GCN1: variants seen among roughly 807,000 people sequenced by gnomAD.
The protein encoded by GCN1 is stalled ribosome sensor GCN1.
A neutral mutation model predicts 288.4 loss-of-function variants in GCN1; 90 were observed. That is an observed-to-expected ratio of 0.31 (90% CI 0.26 to 0.37). The LOEUF (loss-of-function observed/expected upper bound fraction) is 0.37, where lower values mean the gene tolerates loss of function less well. GCN1 is among the 10% of genes least tolerant of loss of function. The probability of loss-of-function intolerance (pLI) is 1.00; values close to 1 mark genes in which losing one functional copy is unlikely to be tolerated. For missense variants in GCN1, 2,586 were observed against 3,419.9 expected (o/e 0.76, Z 6.08); for synonymous variants, 1,386 against 1,420.2 (o/e 0.98, Z 0.54).
chr12:120,141,464 TG>T (rs1003526705), intron 44 of GCN1, among the ~76,000 whole-genome samples: 1 of 152,180 alleles, frequency 6.6e-6, no homozygotes, highest in African/African-American at 2.4e-5. Flanking sequence ...TTGCCAAGGA[TG>T]GGGGGTTGGA....
chr12:120,176,313 G>A, intron 9 of GCN1, 96 bp from the exon 10 acceptor site: 1 of 776,060 alleles, frequency 1.3e-6, no homozygotes, highest in Non-Finnish European at 2.3e-6. Context: ...CACTAGGCCT[G>A]CTGTCTGGCC....
At position 120,138,722 on chromosome 12, in the gene GCN1, G is replaced by A. The variant is rs1877091379; in HGVS notation, c.6129C>T (p.Asp2043=). The A allele has an allele frequency of 1.2e-6, 2 of 1,614,110 alleles. No homozygotes were observed. Among genetic ancestry groups the A allele is most frequent in the Admixed American group, 3.3e-5 (2 of 60,026 alleles). Residue 2043 remains aspartate, a synonymous_variant, in exon 46 of 58, where the codon GAC becomes GAT. Coordinates refer to ENST00000300648, the MANE Select transcript of GCN1 (RefSeq NM_006836.2). Reference sequence around the variant, plus strand: ...GCTGCTTTAGTAAAAATGGGAGAATGTCCTCCAGAGCCTGGTGGCCGATGG... The same window carrying A: ...GCTGCTTTAGTAAAAATGGGAGAATATCCTCCAGAGCCTGGTGGCCGATGG... ...HSTIGHQALE[D]ILPFLLKQLD...
rs1878038019 is a variant in GCN1, at chr12:120,164,507, G to A, written c.1689-12C>T. 1.2e-6 allele frequency: 2 copies of A among 1,612,610 alleles called. No individual in the cohort carries two copies. The highest frequency in any genetic ancestry group is 2.7e-5 in the African/African-American group (2 of 74,914). ...CCCGGTGGTACTGCCTGCAAGCACA[G>A]GGACAGACAGGTCTGGGGGAAGGCC... On this transcript the variant is annotated splice_polypyrimidine_tract_variant and intron_variant, in intron 17 of 57. Transcript: ENST00000300648.
chr12:120,155,810 A>G lies in GCN1; in HGVS notation c.3313-91T>C. The G allele has an allele frequency of 1.5e-6, 2 of 1,290,988 alleles. No homozygotes were observed. The highest frequency in any genetic ancestry group is 1.9e-5 in the Admixed American group (1 of 51,690). The allele number at this position is 1,290,988 out of a possible 1,614,324, so 80.0% of individuals were successfully genotyped here. A position where few individuals can be genotyped will look rare whatever the true frequency, so the allele number is the denominator to read the frequency against. On this transcript the variant is annotated intron_variant, in intron 28 of 57. Transcript: ENST00000300648. This position sits in a 1 kb window ranked among gnomAD's most constrained non-coding sequence, Gnocchi z 4.9. ...CACCTCTCTCTAGGTTGTACTGTCC[A>G]AGATGTAGCCACTAACCGCATGTGG...
At chr12:120,179,044 C>G in intron 5 of GCN1, 94 bp from the exon 6 acceptor site, 1 of 1,000,316 alleles carries the variant, frequency 1.0e-6, no homozygotes, top group Non-Finnish European at 1.5e-6. Flanking sequence ...TCAGACCCTC[C>G]AAATCCTGGC....
chr12:120,150,950 A>C (rs1250060466), intron 34 of GCN1, among the ~76,000 whole-genome samples, 195 bp downstream of exon 34: 1 of 151,556 alleles, frequency 6.6e-6, no homozygotes, highest in African/African-American at 2.4e-5. Context: ...AAAAAAAAAC[A>C]GAAAAGAAAA....
At position 120,144,249 on chromosome 12, in the gene GCN1, T is replaced by C; in HGVS notation, c.5495+57A>G. 1 of 1,596,008 alleles carries C rather than the reference T, an allele frequency of 6.3e-7. No homozygotes were observed. Among genetic ancestry groups the C allele is most frequent in the South Asian group, 1.1e-5 (1 of 90,584 alleles). On this transcript the variant is annotated intron_variant, in intron 42 of 57. Coordinates refer to ENST00000300648, the MANE Select transcript of GCN1 (RefSeq NM_006836.2). This position sits in a 1 kb window ranked among gnomAD's most constrained non-coding sequence, Gnocchi z 4.7. ...CCTCGGCTTTCCAGAGTGCTCGGATTATAGGCATGAGCCACCACGCATCAT... is the reference window on the plus strand; with the variant it reads ...CCTCGGCTTTCCAGAGTGCTCGGATCATAGGCATGAGCCACCACGCATCAT...
rs1405122482 is a variant in GCN1 at position 120,144,242 on chromosome 12, C to T, written c.5495+64G>A. On this transcript the variant is annotated intron_variant, in intron 42 of 57. Transcript: ENST00000300648. The surrounding 1 kb of genome is among the most constrained non-coding windows in gnomAD (Gnocchi z 4.7). ...CCTCCTGCCTCGGCTTTCCAGAGTG[C>T]TCGGATTATAGGCATGAGCCACCAC... 8 of 1,581,614 alleles carry T rather than the reference C, an allele frequency of 5.1e-6. No homozygotes were observed. The East Asian group carries it at 1.1e-4, about 22-fold the overall frequency.
chr12:120,137,481 T>C lies in GCN1; in HGVS notation c.6663+64A>G. ...TACGTGGGGGATTCTTATAAGTCTA[T>C]TCCTGTAAATGTCTGGAATTTTCTA... On this transcript the variant is annotated intron_variant, in intron 49 of 57. Transcript: ENST00000300648. The surrounding 1 kb of genome is among the most constrained non-coding windows in gnomAD (Gnocchi z 5.2). 2 of 1,559,488 alleles carry C rather than the reference T, an allele frequency of 1.3e-6. No individual in the cohort carries two copies. The highest frequency in any genetic ancestry group is 1.8e-6 in the Non-Finnish European group (2 of 1,134,914).
intron 57 of GCN1, 42 bp downstream of exon 57, chr12:120,129,234 A>G (rs970967549): frequency 5.8e-6 from 8 of 1,374,922 alleles, no homozygotes; most frequent in Non-Finnish European, 8.3e-6. Context: ...CTGAAAGACA[A>G]ATGCTCACAG....
chr12:120,147,747 T>C (rs1262017634), intron 37 of GCN1, among the ~76,000 whole-genome samples: 1 of 152,238 alleles, frequency 6.6e-6, no homozygotes, highest in African/African-American at 2.4e-5. Context: ...AGTGACATGC[T>C]GGTCAAGGTG....
At chr12:120,173,012 A>T (rs560261517) in intron 14 of GCN1, among the ~76,000 whole-genome samples, 1 of 151,800 alleles carries the variant, frequency 6.6e-6, no homozygotes, top group Non-Finnish European at 1.5e-5. Flanking sequence ...CATTTTTAAT[A>T]AGTCCAGAGT....
At position 120,156,102 on chromosome 12, in the gene GCN1, C is replaced by T. The variant is rs1234065343; in HGVS notation, c.3312+359G>A. On this transcript the variant is annotated intron_variant, in intron 28 of 57. Coordinates refer to ENST00000300648, the MANE Select transcript of GCN1 (RefSeq NM_006836.2). The surrounding 1 kb of genome is among the most constrained non-coding windows in gnomAD (Gnocchi z 5.8). ...TCAGCAGGTAGGAACCACTGTCTTA[C>T]CACTACAAGGGGATGCTTCAGTTTT... 2.0e-4 allele frequency among the ~76,000 whole-genome samples: 31 copies of T among 152,146 alleles called. 2 individuals are homozygous for T. The highest frequency in any genetic ancestry group is 2.0e-3 in the Admixed American group (31 of 15,264).
Position 120,142,941 on chromosome 12 carries a change from C to A in GCN1, c.5496G>T (p.Arg1832Ser), listed in dbSNP as rs1877245206. 1 of 1,594,108 alleles carries A rather than the reference C, an allele frequency of 6.3e-7. No homozygotes were observed. Among genetic ancestry groups the A allele is most frequent in the East Asian group, 2.2e-5 (1 of 44,788 alleles). Residue 1832 changes from arginine (R) to serine (S), a missense_variant and splice_region_variant, in exon 43 of 58, where the codon AGG becomes AGT. By Grantham distance (110) the Arg-to-Ser change is moderately radical (BLOSUM62 -1). Around this residue, in one of 8 missense-constraint regions of GCN1, gnomAD observed 371 missense variants for 572.6 expected, o/e 0.65. Transcript: ENST00000300648. This position sits in a 1 kb window ranked among gnomAD's most constrained non-coding sequence, Gnocchi z 4.9. The stretch of plus-strand genomic sequence containing the variant: ...CCCCAAGGAGCTGAACAGAGCTGAA[C>A]CTGAGAAGGAGGCCAACAACACAGT... The part of the protein sequence containing the change: ...QGLFDDLWRI[R>S]FSSVQLLGDL...
At chr12:120,131,362 C>A (rs201930415) in intron 54 of GCN1, 29 bp from the exon 55 acceptor site, 166 of 1,610,840 alleles carry the variant, frequency 1.0e-4, no homozygotes, top group Non-Finnish European at 1.4e-4. Context: ...CTGGGATCAA[C>A]CGGTATTTTA....
rs763739971 is a variant in GCN1 at position 120,155,517 on chromosome 12, G to A, written c.3440+75C>T. The A allele has an allele frequency of 8.1e-6, 13 of 1,604,042 alleles. No individual in the cohort carries two copies. The highest frequency in any genetic ancestry group is 2.2e-5 in the South Asian group (2 of 90,804). ...CCAGCCCTTCTTCCCACTGGAGGCT[G>A]AGCACACTGGGTTCAGTTATTTCCT... On this transcript the variant is annotated intron_variant, in intron 29 of 57. Transcript: ENST00000300648. The surrounding 1 kb of genome is among the most constrained non-coding windows in gnomAD (Gnocchi z 4.9).
rs894219386 is a variant in GCN1 at position 120,134,084 on chromosome 12, G to A, written c.7317+207C>T. ...TCAGCCAAAAAACAAACAAACAAAC[G>A]GAAATAACCAATATATCCACAATAC... On this transcript the variant is annotated intron_variant, in intron 53 of 57. Coordinates refer to ENST00000300648, the MANE Select transcript of GCN1 (RefSeq NM_006836.2). The surrounding 1 kb of genome is among the most constrained non-coding windows in gnomAD (Gnocchi z 5.0). 1.3e-5 allele frequency among the ~76,000 whole-genome samples: 2 copies of A among 152,014 alleles called. No individual in the cohort carries two copies. Among genetic ancestry groups the A allele is most frequent in the Non-Finnish European group, 2.9e-5 (2 of 67,992 alleles).
chr12:120,147,090 G>A lies in GCN1; in HGVS notation c.4909C>T (p.Gln1637Ter). The part of the protein sequence containing the change: ...RSTDTRKMAA[Q>*]IIGNMYSLTD... ...AGGGAGTACATGTTGCCAATAATCT[G>A]GGCTGCCATCTTCCGCGTGTCCGTG... The change falls in exon 38 of 58, where the codon CAG (glutamine) becomes TAG (stop). Residue 1637 changes from glutamine to a stop codon, truncating the protein, a stop_gained. Coordinates refer to ENST00000300648, the MANE Select transcript of GCN1 (RefSeq NM_006836.2). LOFTEE classifies it high-confidence loss of function. The A allele has an allele frequency of 1.3e-6, 2 of 1,596,966 alleles. No individual in the cohort carries two copies. Among genetic ancestry groups the A allele is most frequent in the Non-Finnish European group, 1.7e-6 (2 of 1,167,582 alleles).
In GCN1 at chr12:120,149,975, C is replaced by T. The variant is rs771401050; in HGVS notation, c.4378G>A (p.Val1460Met). 2 of 1,614,082 alleles carry T rather than the reference C, an allele frequency of 1.2e-6. No individual in the cohort carries two copies. The highest frequency in any genetic ancestry group is 1.1e-5 in the South Asian group (1 of 91,070). The change falls in exon 35 of 58, where the codon GTG becomes ATG. Residue 1460 changes from valine (V) to methionine (M), a missense_variant. Around this residue, in one of 8 missense-constraint regions of GCN1, gnomAD observed 371 missense variants for 572.6 expected, o/e 0.65. Coordinates refer to ENST00000300648, the MANE Select transcript of GCN1 (RefSeq NM_006836.2). ...AAGCACAGGAGCAGATGGGGCAGCA[C>T]GTGAACCACATACGGCTCAAAAAGT... ...GKLFEPYVVH[V>M]LPHLLLCFGD... is the part of the protein sequence containing the mutation.
Sources: allele counts gnomAD v4.1 joint callset (sites outside exome capture counted in the v4.1 genomes callset), GRCh38; gene constraint gnomAD v4.1.1; regional missense constraint gnomAD v4.1.1; non-coding constraint Gnocchi (gnomAD v3.1); transcripts MANE v1.5; gene names NCBI Gene and HGNC (gene_info 2026-07-23, HGNC 2026-07-21).